Variants in GRM4 observed in about 807,000 individuals in gnomAD.
GRM4 encodes metabotropic glutamate receptor 4.
A neutral mutation model predicts 81.7 loss-of-function variants in GRM4; 28 were observed. The observed-to-expected ratio is 0.34, with a 90% CI of 0.25 to 0.47. GRM4 has a LOEUF of 0.47. GRM4 is among the 20% of genes least tolerant of loss of function. The probability of loss-of-function intolerance (pLI) is 1.00; values close to 1 mark genes in which losing one functional copy is unlikely to be tolerated. For synonymous variants in GRM4, 488 were observed against 528.8 expected, an observed-to-expected ratio of 0.92 and a Z score of 1.06; for missense variants, 948 against 1,290.0, an observed-to-expected ratio of 0.73 and a Z score of 4.06.
chr6:34,039,789 C>T (rs767766505), intron 8 of GRM4, among the ~76,000 whole-genome samples: 1 of 151,968 alleles, frequency 6.6e-6, no homozygotes, highest in Non-Finnish European at 1.5e-5. Context: ...TGCAGCCCTC[C>T]CCCTCCTCAC....
chr6:34,039,339 G>A (rs2499678), intron 8 of GRM4, among the ~76,000 whole-genome samples: 17,210 of 151,990 alleles, frequency 0.11, 2,212 homozygotes, highest in African/African-American at 0.32. Flanking sequence ...AGGAGACGGC[G>A]GGGCCTCGAT....
At position 34,022,803 on chromosome 6, in the gene GRM4, C is replaced by T. The variant is rs1315826078; in HGVS notation, c.*18G>A. On this transcript the variant is annotated 3_prime_UTR_variant, in exon 11 of 11. Coordinates refer to ENST00000538487, the MANE Select transcript of GRM4 (RefSeq NM_000841.4). The surrounding 1 kb of genome is among the most constrained non-coding windows in gnomAD (Gnocchi z 5.6). ...AGGGTCACGGCTCCTCCTCCTGCTG[C>T]TCAGCTCCATGGACTCGCTAGATTG... The T allele has an allele frequency of 6.2e-7, 1 of 1,610,808 alleles. No homozygotes were observed. The highest frequency in any genetic ancestry group is 2.2e-5 in the East Asian group (1 of 44,872).
chr6:34,129,108 G>A (rs919954881), intron 2 of GRM4, among the ~76,000 whole-genome samples: 1 of 151,600 alleles, frequency 6.6e-6, no homozygotes, highest in East Asian at 1.9e-4. Flanking sequence ...TCTGCCTCCC[G>A]GGCTCAAGTG....
rs1769504809 is a variant in GRM4 at position 34,114,419 on chromosome 6, T to C, written c.519+18559A>G. Among the ~76,000 whole-genome samples the C allele has an allele frequency of 1.3e-5, 2 of 151,820 alleles. No individual in the cohort carries two copies. On this transcript the variant is annotated intron_variant, in intron 2 of 10. Transcript: ENST00000538487. This position sits in a 1 kb window ranked among gnomAD's most constrained non-coding sequence, Gnocchi z 4.3. Reference sequence around the variant, plus strand: ...TCCAGGCTGAATTGTTCTATCCATCTCCTCATCACTCTCTCAGCTTCAGGC... The same window carrying C: ...TCCAGGCTGAATTGTTCTATCCATCCCCTCATCACTCTCTCAGCTTCAGGC...
chr6:34,120,400 G>T (rs1769763508), intron 2 of GRM4, among the ~76,000 whole-genome samples: 1 of 152,150 alleles, frequency 6.6e-6, no homozygotes, highest in African/African-American at 2.4e-5. Flanking sequence ...AGGGCTCCTG[G>T]CTTCCCCTTC....
rs1276291397 is a variant in GRM4, at chr6:34,106,412, CT to C, written c.520-14314del. Among the ~76,000 whole-genome samples the C allele has an allele frequency of 1.9e-4, 19 of 101,470 alleles. No homozygotes were observed. In the Admixed American group the frequency reaches 2.0e-3, roughly 11 times the overall value. The allele number at this position is 101,470 out of a possible 152,430, so 66.6% of individuals were successfully genotyped here. ...CCTGGGAGACAGAGCAAGGCTCAGT[CT>C]CAAAAAAAAAAAAAAGAAAGAAAGA... On this transcript the variant is annotated intron_variant, in intron 2 of 10. Transcript: ENST00000538487.
chr6:34,124,134 CAAG>C (rs1414282550), intron 2 of GRM4, among the ~76,000 whole-genome samples: 3 of 152,224 alleles, frequency 2.0e-5, no homozygotes, highest in South Asian at 4.1e-4. Context: ...CCTCTGCCAG[CAAG>C]AAGATCAGGA....
chr6:34,106,474 A>G (rs1427308592), intron 2 of GRM4, among the ~76,000 whole-genome samples: 1 of 95,086 alleles, frequency 1.1e-5, no homozygotes, highest in Non-Finnish European at 2.3e-5. Flanking sequence ...AGTGAAAACC[A>G]CAGCTTTCAA....
At chr6:34,049,275 C>T (rs1016474945) in intron 6 of GRM4, among the ~76,000 whole-genome samples, 37 of 152,136 alleles carry the variant, frequency 2.4e-4, no homozygotes, top group African/African-American at 7.2e-4. Flanking sequence ...GCCCTTGTCT[C>T]ACTTGGCCCC....
chr6:34,096,692 G>GC (rs11376221), intron 2 of GRM4, among the ~76,000 whole-genome samples: 139,722 of 152,262 alleles, frequency 0.92, 64,203 homozygotes, highest in African/African-American at 0.96. Flanking sequence ...AGGTTGTATG[G>GC]CCCCTGGAGT....
chr6:34,071,689 C>T (rs1440227581), intron 3 of GRM4, among the ~76,000 whole-genome samples: 1 of 129,198 alleles, frequency 7.7e-6, no homozygotes, highest in Non-Finnish European at 1.6e-5. Context: ...ACAATCACCA[C>T]ACACCACACA....
At chr6:34,076,847 C>A (rs1767337700) in intron 3 of GRM4, among the ~76,000 whole-genome samples, 1 of 152,038 alleles carries the variant, frequency 6.6e-6, no homozygotes, top group African/African-American at 2.4e-5. Context: ...CTTGGAGCCT[C>A]AACGCTTGGG....
At chr6:34,076,083 G>A (rs757859194) in intron 3 of GRM4, among the ~76,000 whole-genome samples, 34 of 152,252 alleles carry the variant, frequency 2.2e-4, no homozygotes, top group Non-Finnish European at 4.7e-4. Context: ...GCCTGGCCAG[G>A]GTTATAGGCC....
chr6:34,079,706 AGTGCC>A (rs1219754853), intron 3 of GRM4, among the ~76,000 whole-genome samples: 3 of 152,250 alleles, frequency 2.0e-5, no homozygotes, highest in Non-Finnish European at 4.4e-5. Flanking sequence ...TGAAGCCAGG[AGTGCC>A]GTGCCTGGCC....
Position 34,096,966 on chromosome 6 carries a change from G to A in GRM4, c.520-4867C>T, listed in dbSNP as rs151029196. On this transcript the variant is annotated intron_variant, in intron 2 of 10. Coordinates refer to ENST00000538487, the MANE Select transcript of GRM4 (RefSeq NM_000841.4). The stretch of plus-strand genomic sequence containing the variant: ...AGTGTGTGCATGCACGTGGGCACAC[G>A]GGCTAGAGCGTGTGTCCTTGAGCAC... Among the ~76,000 whole-genome samples the A allele has an allele frequency of 7.2e-3, 1,090 of 152,142 alleles. 7 individuals carry two copies. The highest frequency in any genetic ancestry group is 0.01 in the Non-Finnish European group (709 of 67,986).
chr6:34,135,901 C>A (rs1203859576), intron 1 of GRM4, among the ~76,000 whole-genome samples: 1 of 152,166 alleles, frequency 6.6e-6, no homozygotes, highest in East Asian at 1.9e-4. Context: ...GAGTGAAATC[C>A]AATCTGGGGG....
chr6:34,103,566 A>G, intron 2 of GRM4: 2 of 1,522,946 alleles, frequency 1.3e-6, no homozygotes, highest in Non-Finnish European at 1.8e-6. Flanking sequence ...ATGTAGATCA[A>G]TAAATTATAC....
At position 34,089,673 on chromosome 6, in the gene GRM4, T is replaced by C. The variant is rs1192699203; in HGVS notation, c.736+2210A>G. ...TGCATAATGGCAAATTTTATTTTTC[T>C]AGATCATGAAGTCCTTTTAAAAAAT... On this transcript the variant is annotated intron_variant, in intron 3 of 10. Transcript: ENST00000538487. The surrounding 1 kb of genome is among the most constrained non-coding windows in gnomAD (Gnocchi z 4.3). 6.6e-6 allele frequency among the ~76,000 whole-genome samples: 1 copy of C among 152,216 alleles called. No homozygotes were observed. Among genetic ancestry groups the C allele is most frequent in the Non-Finnish European group, 1.5e-5 (1 of 68,034 alleles).
At chr6:34,073,364 C>A (rs1767125542) in intron 3 of GRM4, among the ~76,000 whole-genome samples, 1 of 140,098 alleles carries the variant, frequency 7.1e-6, no homozygotes, top group African/African-American at 2.7e-5. Flanking sequence ...CACCCCCACA[C>A]AGATAACACC....
Sources: allele counts gnomAD v4.1 joint callset (sites outside exome capture counted in the v4.1 genomes callset), GRCh38; gene constraint gnomAD v4.1.1; non-coding constraint Gnocchi (gnomAD v3.1); transcripts MANE v1.5; gene names NCBI Gene and HGNC (gene_info 2026-07-23, HGNC 2026-07-21).